The following FNBP1 variants were observed in gnomAD, a reference collection of about 807,000 sequenced individuals.
FNBP1 encodes formin-binding protein 1.
A neutral mutation model predicts 90.6 loss-of-function variants in FNBP1; 26 were observed. That is an observed-to-expected ratio of 0.29 (90% CI 0.21 to 0.40). The LOEUF (loss-of-function observed/expected upper bound fraction) is 0.40, where lower values mean the gene tolerates loss of function less well. Ranked by LOEUF, FNBP1 falls within the 10% of genes least tolerant of loss-of-function variation. FNBP1 has a pLI of 1.00. For missense variants in FNBP1, 635 were observed against 768.0 expected (o/e 0.83, Z 2.05); for synonymous variants, 260 against 265.2 (o/e 0.98, Z 0.19).
At chr9:130,038,520 C>T (rs947868874) in intron 1 of FNBP1, among the ~76,000 whole-genome samples, 2 of 151,394 alleles carry the variant, frequency 1.3e-5, no homozygotes, top group Non-Finnish European at 2.9e-5. Flanking sequence ...CCTCAGCCTC[C>T]CGAGTAGCTG....
Position 129,957,272 on chromosome 9 carries a change from A to C in FNBP1, c.513+88T>G. The C allele has an allele frequency of 1.1e-6, 1 of 903,732 alleles. No individual in the cohort carries two copies. The highest frequency in any genetic ancestry group is 1.4e-5 in the South Asian group (1 of 71,634). The allele number at this position is 903,732 out of a possible 1,614,324, so 56.0% of individuals were successfully genotyped here. A position where few individuals can be genotyped will look rare whatever the true frequency, so the allele number is the denominator to read the frequency against. ...AGGCTGGTCTCGAACTCCTGGCCTC[A>C]GGTGATCCGCTCACCTCAGCCTCCC... On this transcript the variant is annotated intron_variant, in intron 6 of 16. Coordinates refer to ENST00000446176, the MANE Select transcript of FNBP1 (RefSeq NM_015033.3). This position sits in a 1 kb window ranked among gnomAD's most constrained non-coding sequence, Gnocchi z 4.3.
chr9:129,914,397 G>GAA (rs1165785499), intron 11 of FNBP1, among the ~76,000 whole-genome samples: 5 of 151,830 alleles, frequency 3.3e-5, no homozygotes, highest in African/African-American at 1.2e-4. Context: ...TCAATACCAA[G>GAA]TTGGTAAAAT....
chr9:129,980,366 A>G (rs1046672008), intron 2 of FNBP1, among the ~76,000 whole-genome samples: 1 of 151,856 alleles, frequency 6.6e-6, no homozygotes, highest in African/African-American at 2.4e-5. Context: ...ATCTCCAAAA[A>G]AAAAAAAAAA....
At chr9:130,012,875 G>A (rs569304712) in intron 1 of FNBP1, among the ~76,000 whole-genome samples, 1 of 152,208 alleles carries the variant, frequency 6.6e-6, no homozygotes, top group South Asian at 2.1e-4. Context: ...TTCTGACCTC[G>A]TGATCTGCCC....
intron 1 of FNBP1, among the ~76,000 whole-genome samples, chr9:130,021,394 G>A (rs1335875024): frequency 3.9e-5 from 6 of 152,044 alleles, no homozygotes; most frequent in Middle Eastern, 3.2e-3. Flanking sequence ...TTAAAAGTTC[G>A]CCTTGAACAC....
intron 4 of FNBP1, among the ~76,000 whole-genome samples, chr9:129,969,782 A>C (rs1212424831): frequency 6.6e-6 from 1 of 151,980 alleles, no homozygotes; most frequent in Non-Finnish European, 1.5e-5. Context: ...AAATCTAAAA[A>C]CAAAAACGTA....
intron 13 of FNBP1, among the ~76,000 whole-genome samples, chr9:129,902,535 T>C (rs938706456): frequency 3.3e-5 from 5 of 152,146 alleles, no homozygotes; most frequent in African/African-American, 1.2e-4. Context: ...AAGGCTGCAG[T>C]GAGCTACAAG....
chr9:129,942,075 A>T (rs948802668), intron 6 of FNBP1, among the ~76,000 whole-genome samples: 1 of 152,004 alleles, frequency 6.6e-6, no homozygotes, highest in Non-Finnish European at 1.5e-5. Context: ...TCTCCAAAAA[A>T]AAAAAACCAA....
intron 6 of FNBP1, among the ~76,000 whole-genome samples, chr9:129,951,720 C>T (rs545250004): frequency 6.6e-6 from 1 of 151,890 alleles, no homozygotes; most frequent in East Asian, 2.0e-4. Flanking sequence ...GCTGGGATTA[C>T]AGGCATGAGC....
At chr9:130,043,601 G>A (rs1044621953), upstream of FNBP1, among the ~76,000 whole-genome samples, 1 of 152,218 alleles carries the variant, frequency 6.6e-6, no homozygotes, top group African/African-American at 2.4e-5. Flanking sequence ...GAGTCAGCCC[G>A]GGAGGCTCTT....
At chr9:130,025,279 G>A (rs2132015996) in intron 1 of FNBP1, among the ~76,000 whole-genome samples, 1 of 152,280 alleles carries the variant, frequency 6.6e-6, no homozygotes, top group East Asian at 1.9e-4. Context: ...TGTGCCTGAT[G>A]ATTCTAGGTG....
At chr9:129,967,420 G>A (rs1366261604) in intron 4 of FNBP1, among the ~76,000 whole-genome samples, 4 of 152,198 alleles carry the variant, frequency 2.6e-5, no homozygotes, top group African/African-American at 9.7e-5. Flanking sequence ...GGAGGCTGAG[G>A]CAGGAGAATG....
intron 6 of FNBP1, among the ~76,000 whole-genome samples, chr9:129,939,390 G>GAA (rs35702684): frequency 3.1e-4 from 46 of 146,046 alleles, no homozygotes; most frequent in Middle Eastern, 3.5e-3. Flanking sequence ...CCTCCGTCCC[G>GAA]AAAAATAAAA....
At chr9:129,953,943 GC>G (rs2046547113) in intron 6 of FNBP1, among the ~76,000 whole-genome samples, 1 of 151,992 alleles carries the variant, frequency 6.6e-6, no homozygotes, top group South Asian at 2.1e-4. Flanking sequence ...AGTGGTTCAT[GC>G]CCATAATCCT....
chr9:129,912,224 C>G (rs1207626319), intron 11 of FNBP1, among the ~76,000 whole-genome samples: 1 of 152,080 alleles, frequency 6.6e-6, no homozygotes, highest in Non-Finnish European at 1.5e-5. Flanking sequence ...TGATATATAG[C>G]GGAAGCCTCC....
intron 1 of FNBP1, among the ~76,000 whole-genome samples, chr9:130,034,264 G>A (rs551095880): frequency 6.8e-6 from 1 of 147,834 alleles, no homozygotes; most frequent in Non-Finnish European, 1.5e-5. Flanking sequence ...AGTGAGCTGA[G>A]ATCACACCAC....
At chr9:129,967,549 A>G (rs2048807355) in intron 4 of FNBP1, among the ~76,000 whole-genome samples, 2 of 152,010 alleles carry the variant, frequency 1.3e-5, no homozygotes, top group African/African-American at 4.8e-5. Context: ...GTGGGCTAAC[A>G]GGGTCACTGC....
At chr9:129,904,956 T>C (rs2037697348) in intron 12 of FNBP1, among the ~76,000 whole-genome samples, 1 of 152,190 alleles carries the variant, frequency 6.6e-6, no homozygotes, top group African/African-American at 2.4e-5. Context: ...TTATAAATAA[T>C]TTTTAAACAT....
intron 6 of FNBP1, 115 bp from the exon 7 acceptor site, chr9:129,929,810 A>G (rs553829852): frequency 1.1e-6 from 1 of 899,148 alleles, no homozygotes; most frequent in African/African-American, 1.7e-5. Flanking sequence ...GATTTACCTC[A>G]AATGTATTCC....
Sources: gnomAD v4.1 joint callset for allele counts (sites outside exome capture counted in the v4.1 genomes callset) on GRCh38, gnomAD v4.1.1 for gene constraint, Gnocchi (gnomAD v3.1) non-coding constraint, MANE v1.5 for transcripts, NCBI Gene and HGNC (gene_info 2026-07-23, HGNC 2026-07-21) for gene names.